SPAST: variants seen among roughly 807,000 people sequenced by gnomAD.
The protein encoded by SPAST is spastin, also known as spastic paraplegia 4 (autosomal dominant; spastin).
SPAST carries 30 observed loss-of-function variants against 76.6 expected under a neutral mutation model. That is an observed-to-expected ratio of 0.39 (90% CI 0.29 to 0.53). The LOEUF is 0.53. SPAST is among the 20% of genes least tolerant of loss of function. SPAST has a pLI of 0.68. For synonymous variants in SPAST, 305 were observed against 281.0 expected, an observed-to-expected ratio of 1.09 and a Z score of -0.86; for missense variants, 717 against 770.5, an observed-to-expected ratio of 0.93 and a Z score of 0.82.
chr2:32,072,543 C>A (rs1280944303), intron 1 of SPAST, among the ~76,000 whole-genome samples: 1 of 152,096 alleles, frequency 6.6e-6, no homozygotes, highest in East Asian at 1.9e-4. Flanking sequence ...ATGGCCTGAA[C>A]TAGTTTTTTA....
chr2:32,081,288 G>A (rs933167201), intron 1 of SPAST, among the ~76,000 whole-genome samples: 8 of 151,972 alleles, frequency 5.3e-5, no homozygotes, highest in African/African-American at 1.7e-4. Flanking sequence ...TAGAGATGGG[G>A]CTTCACTGTA....
chr2:32,117,684 C>T (rs1678887919), intron 7 of SPAST, among the ~76,000 whole-genome samples: 1 of 151,638 alleles, frequency 6.6e-6, no homozygotes, highest in Non-Finnish European at 1.5e-5. Flanking sequence ...GGCATGCACC[C>T]CAACACCTGG....
intron 16 of SPAST, among the ~76,000 whole-genome samples, chr2:32,150,092 G>T (rs1445273402): frequency 6.9e-6 from 1 of 144,000 alleles, no homozygotes; most frequent in Non-Finnish European, 1.5e-5. Flanking sequence ...TTTGTGAGAT[G>T]GAGTCTTGCT....
At position 32,098,900 on chromosome 2, in the gene SPAST, A is replaced by G; in HGVS notation, c.682+9A>G. ...TGGACATCTCCAGTCAGGTGGGTTT[A>G]GGTTAACTAACATAAAATAATAAAG... On this transcript the variant is annotated intron_variant, in intron 4 of 16. Coordinates refer to ENST00000315285, the MANE Select transcript of SPAST (RefSeq NM_014946.4). The G allele has an allele frequency of 6.4e-7, 1 of 1,560,376 alleles. No homozygotes were observed. The highest frequency in any genetic ancestry group is 8.8e-7 in the Non-Finnish European group (1 of 1,131,042).
chr2:32,148,891 T>A (rs568390717), intron 16 of SPAST, among the ~76,000 whole-genome samples: 2 of 149,330 alleles, frequency 1.3e-5, no homozygotes, highest in East Asian at 4.1e-4. Context: ...GGAGAATCAC[T>A]TGAACTTGGG....
intron 3 of SPAST, among the ~76,000 whole-genome samples, chr2:32,096,880 C>CAA (rs200669185): frequency 2.3e-5 from 3 of 133,260 alleles, no homozygotes; most frequent in African/African-American, 5.5e-5. Context: ...CCTGTTAGCT[C>CAA]AAAAAAAAAA....
At chr2:32,077,751 A>T (rs1470872360) in intron 1 of SPAST, 1 of 152,222 alleles carries the variant, frequency 6.6e-6, no homozygotes, top group Non-Finnish European at 1.5e-5. Context: ...TACAGTAGAT[A>T]ATTTGCAAGT....
chr2:32,083,731 CTATATATATTTATATATACTATATATA>C (rs1677337939), intron 1 of SPAST, among the ~76,000 whole-genome samples: 5 of 70,546 alleles, frequency 7.1e-5, no homozygotes, highest in Admixed American at 3.9e-4. Context: ...TTTATATATA[CTATATATATTTATATATACTATATATA>C]TATATATATA....
chr2:32,070,159 G>A (rs935058601), intron 1 of SPAST, among the ~76,000 whole-genome samples: 2 of 150,958 alleles, frequency 1.3e-5, no homozygotes, highest in East Asian at 1.9e-4. Flanking sequence ...TCCACCTCCC[G>A]GGTTCAAGCG....
At chr2:32,132,258 G>C (rs1328959822) in intron 9 of SPAST, among the ~76,000 whole-genome samples, 1 of 152,140 alleles carries the variant, frequency 6.6e-6, no homozygotes, top group Admixed American at 6.5e-5. Flanking sequence ...GGGCGTGGTG[G>C]CGTGTGCCTG....
At chr2:32,074,991 A>G (rs979136617) in intron 1 of SPAST, among the ~76,000 whole-genome samples, 4 of 152,330 alleles carry the variant, frequency 2.6e-5, no homozygotes, top group Admixed American at 1.3e-4. Flanking sequence ...AACTATTATT[A>G]TAAAATCAAT....
chr2:32,079,621 C>A (rs1677121688), intron 1 of SPAST, among the ~76,000 whole-genome samples: 1 of 115,864 alleles, frequency 8.6e-6, no homozygotes, highest in African/African-American at 3.3e-5. Flanking sequence ...AGTGCAGTAG[C>A]ACAATCAACT....
In SPAST at chr2:32,135,575, G is replaced by A. The variant is rs572968473; in HGVS notation, c.1246-988G>A. 1.4e-4 allele frequency among the ~76,000 whole-genome samples: 21 copies of A among 152,254 alleles called. 1 individual carries two copies. The South Asian group carries it at 1.7e-3, about 12-fold the overall frequency. ...AGACCTCATGACTCATTACTTTGGT[G>A]TATAAAATGGCCTTTGTATGGTGTC... On this transcript the variant is annotated intron_variant, in intron 9 of 16. Transcript: ENST00000315285.
chr2:32,146,103 C>T (rs892003465), intron 15 of SPAST, among the ~76,000 whole-genome samples: 1 of 152,156 alleles, frequency 6.6e-6, no homozygotes, highest in East Asian at 1.9e-4. Flanking sequence ...TATTTTGAAA[C>T]TCTGGATGAA....
intron 14 of SPAST, among the ~76,000 whole-genome samples, chr2:32,144,130 G>A (rs1436838845): frequency 1.3e-5 from 2 of 152,140 alleles, no homozygotes; most frequent in African/African-American, 2.4e-5. Context: ...GAGTATGTGA[G>A]TATTGAATAA....
intron 1 of SPAST, among the ~76,000 whole-genome samples, chr2:32,071,199 A>G (rs10490360): frequency 0.41 from 63,076 of 152,042 alleles, 13,391 homozygotes; most frequent in East Asian, 0.64. Context: ...TCTCAAGTAC[A>G]TAGGACTAAA....
chr2:32,146,040 G>A (rs192251442), intron 15 of SPAST, among the ~76,000 whole-genome samples: 4 of 152,162 alleles, frequency 2.6e-5, no homozygotes, highest in Non-Finnish European at 5.9e-5. Flanking sequence ...GTGAAATAGG[G>A]TGCTGATTAA....
At chr2:32,147,930 C>CTTTTTTTTT (rs71407420) in intron 16 of SPAST, among the ~76,000 whole-genome samples, 1 of 116,444 alleles carries the variant, frequency 8.6e-6, no homozygotes, top group African/African-American at 3.3e-5. Context: ...TGCGCCCGGC[C>CTTTTTTTTT]TTTTTTTTTT....
At chr2:32,073,030 A>C (rs578163798) in intron 1 of SPAST, among the ~76,000 whole-genome samples, 2 of 152,318 alleles carry the variant, frequency 1.3e-5, no homozygotes, top group East Asian at 1.9e-4. Flanking sequence ...CCAAAGACAC[A>C]AAAAAGCAGC....
Sources: gnomAD v4.1 joint callset for allele counts (sites outside exome capture counted in the v4.1 genomes callset) on GRCh38, gnomAD v4.1.1 for gene constraint, MANE v1.5 for transcripts, NCBI Gene and HGNC (gene_info 2026-07-23, HGNC 2026-07-21) for gene names.